MAP3K10: variants seen among roughly 807,000 people sequenced by gnomAD.
The protein encoded by MAP3K10 is MKN28 derived nonreceptor_type serine/threonine kinase.
Under a neutral mutation model 75.0 loss-of-function variants are expected in MAP3K10, and 22 were observed. That is an observed-to-expected ratio of 0.29 (90% CI 0.21 to 0.42). MAP3K10 has a LOEUF of 0.42. Among genes scored for constraint, MAP3K10 ranks in the 10% least tolerant of loss-of-function variants. The probability of loss-of-function intolerance (pLI) is 1.00; values close to 1 mark genes in which losing one functional copy is unlikely to be tolerated. For synonymous variants in MAP3K10, 599 were observed against 612.9 expected (o/e 0.98, Z 0.34); for missense variants, 1,165 against 1,379.8 (o/e 0.84, Z 2.47).
chr19:40,197,528 G>C (rs1972929611), intron 1 of MAP3K10, among the ~76,000 whole-genome samples: 1 of 152,080 alleles, frequency 6.6e-6, no homozygotes, highest in African/African-American at 2.4e-5. Context: ...GTTTCACCAT[G>C]TTGGCCAGGC....
chr19:40,213,813 C>A lies in MAP3K10; in HGVS notation c.2134C>A (p.Pro712Thr). ...GCGCTGGCTCGACGGCCTCTTCTTTCCCCGCGCCGGCCGCTTCCCGCGGGG... is the reference window on the plus strand; with the variant it reads ...GCGCTGGCTCGACGGCCTCTTCTTTACCCGCGCCGGCCGCTTCCCGCGGGG... ...QRRWLDGLFFPRAGRFPRGLS... is the reference protein window; with the variant it reads ...QRRWLDGLFFTRAGRFPRGLS... Residue 712 changes from proline to threonine, a missense_variant, in exon 9 of 10, where the codon CCC becomes ACC. Physicochemically the swap from Pro to Thr is conservative, Grantham distance 38. Around this residue, in one of 2 missense-constraint regions of MAP3K10, gnomAD observed 590 missense variants for 586.6 expected, o/e 1.01. Coordinates refer to ENST00000253055, the MANE Select transcript of MAP3K10 (RefSeq NM_002446.4). This position sits in a 1 kb window ranked among gnomAD's most constrained non-coding sequence, Gnocchi z 5.7. 1 of 1,293,826 alleles carries A rather than the reference C, an allele frequency of 7.7e-7. No homozygotes were observed. Among genetic ancestry groups the A allele is most frequent in the Non-Finnish European group, 9.8e-7 (1 of 1,017,596 alleles). 80.1% of individuals were successfully genotyped at this position (1,293,826 alleles called of 1,614,324 possible).
intron 5 of MAP3K10, 63 bp from the exon 6 acceptor site, chr19:40,209,039 AG>A (rs1291779527): frequency 2.5e-6 from 3 of 1,207,012 alleles, no homozygotes; most frequent in Non-Finnish European, 3.7e-6. Context: ...CTTCTACAGA[AG>A]AAAATTCCCT....
chr19:40,192,352 G>A lies in MAP3K10; in HGVS notation c.321G>A (p.Gly107=), dbSNP rs776335417. The A allele has an allele frequency of 5.6e-6, 9 of 1,613,406 alleles. No individual in the cohort carries two copies. The East Asian group carries it at 1.8e-4, about 32-fold the overall frequency. Residue 107 remains glycine (G), a synonymous_variant, in exon 1 of 10, where the codon GGG becomes GGA. Transcript: ENST00000253055. This position sits in a 1 kb window ranked among gnomAD's most constrained non-coding sequence, Gnocchi z 7.1. ...ELQLEEIIGV[G]GFGKVYRALW... ...AGCTAGAGGAGATCATCGGTGTGGG[G>A]GGCTTTGGCAAGGTCTATCGGGCCC...
In MAP3K10 at chr19:40,204,954, G is replaced by C; in HGVS notation, c.1013-167G>C. On this transcript the variant is annotated intron_variant, in intron 3 of 9. Transcript: ENST00000253055. This position sits in a 1 kb window ranked among gnomAD's most constrained non-coding sequence, Gnocchi z 4.3. ...GGTTTCTCTCCCAGCGTTTCACTGA[G>C]TGGAATTGGCCAGGAGCTTGGCTTT... The C allele has an allele frequency of 1.4e-6, 1 of 701,316 alleles. No individual in the cohort carries two copies. Among genetic ancestry groups the C allele is most frequent in the East Asian group, 2.5e-5 (1 of 39,442 alleles). 43.4% of individuals were successfully genotyped at this position (701,316 alleles called of 1,614,324 possible). A position where few individuals can be genotyped will look rare whatever the true frequency, so the allele number is the denominator to read the frequency against.
At chr19:40,196,853 G>A (rs73042675) in intron 1 of MAP3K10, among the ~76,000 whole-genome samples, 37,458 of 151,994 alleles carry the variant, frequency 0.25, 5,810 homozygotes, top group South Asian at 0.47. Flanking sequence ...AAAAGGGCTC[G>A]GGGTGGGGGT....
In MAP3K10 at chr19:40,206,003, A is replaced by G; in HGVS notation, c.1281A>G (p.Ala427=). ...EQLRRREQEL[A]EREMDIVERE... ...TGCGGCGGCGGGAGCAGGAGCTGGCAGAACGTGAGATGGACATCGTGGAAC... is the reference window on the plus strand; with the variant it reads ...TGCGGCGGCGGGAGCAGGAGCTGGCGGAACGTGAGATGGACATCGTGGAAC... The change falls in exon 5 of 10, where the codon GCA becomes GCG. Residue 427 remains alanine, a synonymous_variant. Transcript: ENST00000253055. The G allele has an allele frequency of 6.2e-7, 1 of 1,612,738 alleles. No homozygotes were observed.
In MAP3K10 at chr19:40,213,158, G is replaced by A. The variant is rs527608473; in HGVS notation, c.1807G>A (p.Ala603Thr). 46 of 1,592,868 alleles carry A rather than the reference G, an allele frequency of 2.9e-5. No homozygotes were observed. The Admixed American group carries it at 3.8e-4, about 13-fold the overall frequency. The change falls in exon 8 of 10, where the codon GCC becomes ACC. Residue 603 changes from alanine (A) to threonine (T), a missense_variant. Ala to Thr is a moderately conservative substitution (Grantham distance 58). Transcript: ENST00000253055. This position sits in a 1 kb window ranked among gnomAD's most constrained non-coding sequence, Gnocchi z 5.7. ...LGKSPKHTPI[A>T]PGFASLNEME... ...CAAGTCCCCCAAACACACACCCATC[G>A]CCCCTGGCTTTGCCAGCCTCAATGA...
In MAP3K10 at chr19:40,206,827, C is replaced by T. The variant is rs149683420; in HGVS notation, c.1435+670C>T. ...CTTTTAATCTGGCCAGGTGCAGTGG[C>T]TCACGCCTGTAATCCCAGCATTTTG... On this transcript the variant is annotated intron_variant, in intron 5 of 9. Coordinates refer to ENST00000253055, the MANE Select transcript of MAP3K10 (RefSeq NM_002446.4). Among the ~76,000 whole-genome samples the T allele has an allele frequency of 6.0e-3, 912 of 152,290 alleles. 10 individuals carry two copies. Among genetic ancestry groups the T allele is most frequent in the African/African-American group, 0.021 (871 of 41,554 alleles).
In MAP3K10 at chr19:40,205,100, T is replaced by C. The variant is rs1973092709; in HGVS notation, c.1013-21T>C. 6.2e-7 allele frequency: 1 copy of C among 1,611,306 alleles called. No homozygotes were observed. The highest frequency in any genetic ancestry group is 8.5e-7 in the Non-Finnish European group (1 of 1,179,102). ...CTGACACCTCCATGCCCCACCACTG[T>C]CCTTCCTCCTCCCACCCCAGAATGC... On this transcript the variant is annotated intron_variant, in intron 3 of 9. Transcript: ENST00000253055. The surrounding 1 kb of genome is among the most constrained non-coding windows in gnomAD (Gnocchi z 4.3).
At position 40,192,894 on chromosome 19, in the gene MAP3K10, G is replaced by A. The variant is rs1323034658; in HGVS notation, c.682+181G>A. On this transcript the variant is annotated intron_variant, in intron 1 of 9. Coordinates refer to ENST00000253055, the MANE Select transcript of MAP3K10 (RefSeq NM_002446.4). This position sits in a 1 kb window ranked among gnomAD's most constrained non-coding sequence, Gnocchi z 7.1. ...TGCCTGCCTTAAGGGAGAAAAAGGA[G>A]GCTCAGAAAGGTTGAAGGACTTACC... Among the ~76,000 whole-genome samples, 2 of 152,180 alleles carry A rather than the reference G, an allele frequency of 1.3e-5. No individual in the cohort carries two copies. Among genetic ancestry groups the A allele is most frequent in the Non-Finnish European group, 2.9e-5 (2 of 68,036 alleles).
intron 5 of MAP3K10, 126 bp from the exon 6 acceptor site, chr19:40,208,977 T>C (rs1372917709): frequency 2.8e-6 from 2 of 711,760 alleles, no homozygotes; most frequent in Non-Finnish European, 5.0e-6. Context: ...TGAGAACCAC[T>C]GCATTAAGGA....
In MAP3K10 at chr19:40,204,670, T is replaced by G. The variant is rs1350295653; in HGVS notation, c.1012+37T>G. On this transcript the variant is annotated intron_variant, in intron 3 of 9. Coordinates refer to ENST00000253055, the MANE Select transcript of MAP3K10 (RefSeq NM_002446.4). This position sits in a 1 kb window ranked among gnomAD's most constrained non-coding sequence, Gnocchi z 4.3. Reference sequence around the variant, plus strand: ...CCCCGTGACGAGGGTAGGCTCAGCTTGGAGTGGCAGGGACCTGTGGGCCCA... The same window carrying G: ...CCCCGTGACGAGGGTAGGCTCAGCTGGGAGTGGCAGGGACCTGTGGGCCCA... 2.5e-6 allele frequency: 4 copies of G among 1,600,586 alleles called. No individual in the cohort carries two copies. The East Asian group carries it at 6.7e-5, about 27-fold the overall frequency.
intron 1 of MAP3K10, among the ~76,000 whole-genome samples, chr19:40,196,821 C>T (rs773479240): frequency 5.9e-5 from 9 of 152,054 alleles, no homozygotes; most frequent in Non-Finnish European, 1.2e-4. Flanking sequence ...TCCTGGCCAA[C>T]CCTGTCTCTT....
Position 40,198,273 on chromosome 19 carries a change from A to G in MAP3K10, c.683-102A>G. On this transcript the variant is annotated intron_variant, in intron 1 of 9. Coordinates refer to ENST00000253055, the MANE Select transcript of MAP3K10 (RefSeq NM_002446.4). The surrounding 1 kb of genome is among the most constrained non-coding windows in gnomAD (Gnocchi z 4.3). ...GCCACAGAGCGGGGCAGCCTGAGGC[A>G]GTGAGAGGAAAGACGTGTTTCTAGC... The G allele has an allele frequency of 8.9e-7, 1 of 1,129,940 alleles. No individual in the cohort carries two copies. The highest frequency in any genetic ancestry group is 1.3e-6 in the Non-Finnish European group (1 of 790,066). 70.0% of individuals were successfully genotyped at this position (1,129,940 alleles called of 1,614,324 possible). A position where few individuals can be genotyped will look rare whatever the true frequency, so the allele number is the denominator to read the frequency against.
rs182602099 is a variant in MAP3K10 at position 40,206,673 on chromosome 19, C to A, written c.1435+516C>A. Among the ~76,000 whole-genome samples, 11 of 152,312 alleles carry A rather than the reference C, an allele frequency of 7.2e-5. No homozygotes were observed. In the East Asian group the frequency reaches 1.5e-3, roughly 21 times the overall value. Reference sequence around the variant, plus strand: ...CATGAAAGCAGAGAGAACCTCACAGCCATCCCAAGTGCTTTCTACCTGCCC... The same window carrying A: ...CATGAAAGCAGAGAGAACCTCACAGACATCCCAAGTGCTTTCTACCTGCCC... On this transcript the variant is annotated intron_variant, in intron 5 of 9. Transcript: ENST00000253055.
Position 40,195,738 on chromosome 19 carries a change from G to A in MAP3K10, c.683-2637G>A, listed in dbSNP as rs756517352. On this transcript the variant is annotated intron_variant, in intron 1 of 9. Transcript: ENST00000253055. ...TTGAACTCCTGACCTCAGGTGATCCGCCTGCCTTAGCCTCCCAAAGTGCTA... is the reference window on the plus strand; with the variant it reads ...TTGAACTCCTGACCTCAGGTGATCCACCTGCCTTAGCCTCCCAAAGTGCTA... 7.9e-5 allele frequency among the ~76,000 whole-genome samples: 12 copies of A among 151,868 alleles called. No individual in the cohort carries two copies. The South Asian group carries it at 8.3e-4, about 10-fold the overall frequency.
chr19:40,213,314 T>C lies in MAP3K10; in HGVS notation c.1837+126T>C, dbSNP rs1973276040. ...TGGAAGGCCTTCCTGGGAAGGGAGA[T>C]GGTGGCCCCTGGGGCGTGGGGGGTC... On this transcript the variant is annotated intron_variant, in intron 8 of 9. Coordinates refer to ENST00000253055, the MANE Select transcript of MAP3K10 (RefSeq NM_002446.4). The surrounding 1 kb of genome is among the most constrained non-coding windows in gnomAD (Gnocchi z 5.7). The C allele has an allele frequency of 2.1e-6, 3 of 1,449,398 alleles. No individual in the cohort carries two copies. The Admixed American group carries it at 8.0e-5, about 39-fold the overall frequency. The allele number at this position is 1,449,398 out of a possible 1,614,324, so 89.8% of individuals were successfully genotyped here.
rs764375392 is a variant in MAP3K10, at chr19:40,198,327, T to C, written c.683-48T>C. On this transcript the variant is annotated intron_variant, in intron 1 of 9. Coordinates refer to ENST00000253055, the MANE Select transcript of MAP3K10 (RefSeq NM_002446.4). This position sits in a 1 kb window ranked among gnomAD's most constrained non-coding sequence, Gnocchi z 4.3. The stretch of plus-strand genomic sequence containing the variant: ...GGCAGCGGGCCAGAACACTTGGGTC[T>C]GCGGCGTGGCAGGTCTGGGGTGACC... The C allele has an allele frequency of 3.2e-6, 5 of 1,559,132 alleles. No homozygotes were observed. Among genetic ancestry groups the C allele is most frequent in the Non-Finnish European group, 4.4e-6 (5 of 1,147,174 alleles).
chr19:40,203,740 A>G (rs76456430), intron 2 of MAP3K10, among the ~76,000 whole-genome samples: 1 of 152,196 alleles, frequency 6.6e-6, no homozygotes, highest in African/African-American at 2.4e-5. Context: ...ATAAATGTTA[A>G]ATAATGTTAA....
Sources: gnomAD v4.1 joint callset for allele counts (sites outside exome capture counted in the v4.1 genomes callset) on GRCh38, gnomAD v4.1.1 for gene constraint, gnomAD v4.1.1 regional missense constraint, Gnocchi (gnomAD v3.1) non-coding constraint, MANE v1.5 for transcripts, NCBI Gene and HGNC (gene_info 2026-07-23, HGNC 2026-07-21) for gene names.